The following NMT2 variants were observed in gnomAD, a reference collection of about 807,000 sequenced individuals.
NMT2 encodes N-myristoyltransferase 2.
In NMT2, 35 loss-of-function variants were observed where a neutral mutation model predicts 65.4. That is an observed-to-expected ratio of 0.54 (90% CI 0.41 to 0.71). NMT2 has a LOEUF of 0.71. Ranked by LOEUF, NMT2 falls within the 30% of genes least tolerant of loss-of-function variation. The pLI, the probability that NMT2 is intolerant of heterozygous loss-of-function variation, is 0.00. For missense variants in NMT2, 489 were observed against 611.3 expected (o/e 0.80, Z 2.11); for synonymous variants, 226 against 231.8 (o/e 0.98, Z 0.23).
In NMT2 at chr10:15,140,894, AG is replaced by A. The variant is rs567210748; in HGVS notation, c.246+527del. On this transcript the variant is annotated intron_variant, in intron 2 of 11. Coordinates refer to ENST00000378165, the MANE Select transcript of NMT2 (RefSeq NM_004808.3). Reference sequence around the variant, plus strand: ...GACAACTTCTGGTTTGGTTTAAACTAGGAGAATGTCAGGAACTATTTCCCAC... The same window carrying A: ...GACAACTTCTGGTTTGGTTTAAACTAGAGAATGTCAGGAACTATTTCCCAC... 231 of 1,203,514 alleles carry A rather than the reference AG, an allele frequency of 1.9e-4. No homozygotes were observed. In the African/African-American group the frequency reaches 3.3e-3, roughly 17 times the overall value. 74.6% of individuals were successfully genotyped at this position (1,203,514 alleles called of 1,614,324 possible).
At chr10:15,137,769 T>C (rs1846567013) in intron 2 of NMT2, among the ~76,000 whole-genome samples, 1 of 152,216 alleles carries the variant, frequency 6.6e-6, no homozygotes, top group Non-Finnish European at 1.5e-5. Flanking sequence ...GAGTTAAATC[T>C]TCTAACAGTA....
chr10:15,153,792 G>T (rs1832891248), intron 1 of NMT2, among the ~76,000 whole-genome samples: 1 of 151,968 alleles, frequency 6.6e-6, no homozygotes, highest in South Asian at 2.1e-4. Context: ...TGGGACTACA[G>T]GTGCCCGCCA....
intron 1 of NMT2, among the ~76,000 whole-genome samples, chr10:15,154,365 T>C (rs1206947072): frequency 6.6e-6 from 1 of 152,192 alleles, no homozygotes; most frequent in Non-Finnish European, 1.5e-5. Flanking sequence ...CCAATTGACC[T>C]GACTCAGGTG....
At chr10:15,164,122 G>A (rs1031677801) in intron 1 of NMT2, among the ~76,000 whole-genome samples, 5 of 145,792 alleles carry the variant, frequency 3.4e-5, no homozygotes, top group East Asian at 2.0e-4. Context: ...GGCAGAGCTT[G>A]CAGTGAGCCG....
intron 1 of NMT2, among the ~76,000 whole-genome samples, chr10:15,149,346 CCAT>C (rs1344873311): frequency 6.2e-5 from 9 of 146,210 alleles, no homozygotes; most frequent in East Asian, 2.2e-4. Context: ...ATCATCACCA[CCAT>C]CATCACCATT....
intron 1 of NMT2, among the ~76,000 whole-genome samples, chr10:15,149,710 G>A (rs1832738813): frequency 6.6e-6 from 1 of 152,104 alleles, no homozygotes. Context: ...ACACTCGGAG[G>A]TAAGTGCTAT....
chr10:15,142,978 T>C (rs539772718), intron 1 of NMT2, among the ~76,000 whole-genome samples: 3 of 152,326 alleles, frequency 2.0e-5, no homozygotes, highest in South Asian at 2.1e-4. Context: ...TGTACTGTTA[T>C]AGTGTGATTT....
Position 15,107,682 on chromosome 10 carries a change from T to C in NMT2, c.*1513A>G, listed in dbSNP as rs1845352374. ...GTTGGCCAGGCTGGTCTCGAACCCC[T>C]GACCTCAAATGTTTCGCCCGCCTTG... On this transcript the variant is annotated 3_prime_UTR_variant, in exon 12 of 12. Transcript: ENST00000378165. The C allele has an allele frequency of 1.3e-6, 1 of 758,276 alleles. No homozygotes were observed. Among genetic ancestry groups the C allele is most frequent in the Non-Finnish European group, 1.6e-6 (1 of 623,100 alleles). 47.0% of individuals were successfully genotyped at this position (758,276 alleles called of 1,614,324 possible).
Position 15,108,160 on chromosome 10 carries a change from T to A in NMT2, c.*1035A>T. 2.0e-6 allele frequency: 2 copies of A among 985,040 alleles called. No homozygotes were observed. The highest frequency in any genetic ancestry group is 2.4e-6 in the Non-Finnish European group (2 of 829,870). The allele number at this position is 985,040 out of a possible 1,614,324, so 61.0% of individuals were successfully genotyped here. A position where few individuals can be genotyped will look rare whatever the true frequency, so the allele number is the denominator to read the frequency against. Reference sequence around the variant, plus strand: ...TGAACTTTGCACAACAGCAGAAAAGTCTAGTTAGTCGCGGGTACAGGCTCT... The same window carrying A: ...TGAACTTTGCACAACAGCAGAAAAGACTAGTTAGTCGCGGGTACAGGCTCT... On this transcript the variant is annotated 3_prime_UTR_variant, in exon 12 of 12. Coordinates refer to ENST00000378165, the MANE Select transcript of NMT2 (RefSeq NM_004808.3).
chr10:15,127,915 A>T (rs1036094281), intron 8 of NMT2, among the ~76,000 whole-genome samples: 1 of 151,756 alleles, frequency 6.6e-6, no homozygotes, highest in African/African-American at 2.4e-5. Flanking sequence ...AAAAAAAATG[A>T]CAACTTTTCA....
chr10:15,130,904 G>A (rs956137172), intron 6 of NMT2, among the ~76,000 whole-genome samples: 2 of 149,288 alleles, frequency 1.3e-5, no homozygotes, highest in Admixed American at 6.8e-5. Flanking sequence ...ATTCTCCTGC[G>A]TCAGCCTCCT....
At chr10:15,147,263 G>T (rs140198840) in intron 1 of NMT2, among the ~76,000 whole-genome samples, 230 of 152,108 alleles carry the variant, frequency 1.5e-3, no homozygotes, top group African/African-American at 5.3e-3. Flanking sequence ...AAACATTAGT[G>T]GTTTGAGACT....
chr10:15,140,608 C>T (rs1026203473), intron 2 of NMT2, among the ~76,000 whole-genome samples: 1 of 151,840 alleles, frequency 6.6e-6, no homozygotes, highest in African/African-American at 2.4e-5. Context: ...GCCTTGAACT[C>T]CTGGGCTCAA....
Position 15,141,411 on chromosome 10 carries a change from A to G in NMT2, c.246+11T>C. The G allele has an allele frequency of 2.5e-6, 4 of 1,613,622 alleles. No homozygotes were observed. Among genetic ancestry groups the G allele is most frequent in the Non-Finnish European group, 3.4e-6 (4 of 1,179,920 alleles). On this transcript the variant is annotated intron_variant, in intron 2 of 11. Coordinates refer to ENST00000378165, the MANE Select transcript of NMT2 (RefSeq NM_004808.3). The stretch of plus-strand genomic sequence containing the variant: ...AACCACACAGAGGAAAAAATAAAAC[A>G]GAGCTCTCACTTTCGAAGGCTGCTG...
chr10:15,135,964 C>T (rs577252288), intron 2 of NMT2, among the ~76,000 whole-genome samples: 10 of 151,600 alleles, frequency 6.6e-5, no homozygotes, highest in Admixed American at 2.6e-4. Context: ...TGGTGTCTCA[C>T]GCCTATAATC....
At chr10:15,121,129 TA>T (rs1315499650) in intron 8 of NMT2, among the ~76,000 whole-genome samples, 1 of 152,194 alleles carries the variant, frequency 6.6e-6, no homozygotes, top group Non-Finnish European at 1.5e-5. Context: ...AAATACAGTT[TA>T]TTTTTTTCTG....
chr10:15,117,996 G>T (rs1367209222), intron 9 of NMT2, among the ~76,000 whole-genome samples: 1 of 152,158 alleles, frequency 6.6e-6, no homozygotes, highest in East Asian at 1.9e-4. Context: ...AAGGTATTTT[G>T]TAGGCAAAAA....
At position 15,116,050 on chromosome 10, in the gene NMT2, A is replaced by C. The variant is rs571877392; in HGVS notation, c.1171-3087T>G. ...CTAGACAGAAAATCAGCATGGAAAC[A>C]GAAGAGCTGAATAACTCAATTAATC... is the stretch of plus-strand genomic sequence containing the variant. On this transcript the variant is annotated intron_variant, in intron 9 of 11. Coordinates refer to ENST00000378165, the MANE Select transcript of NMT2 (RefSeq NM_004808.3). 2.3e-3 allele frequency among the ~76,000 whole-genome samples: 353 copies of C among 152,362 alleles called. 8 individuals carry two copies. Among genetic ancestry groups the C allele is most frequent in the South Asian group, 3.3e-3 (16 of 4,832 alleles).
intron 6 of NMT2, 113 bp downstream of exon 6, chr10:15,132,704 A>G (rs1846326015): frequency 1.4e-6 from 1 of 704,598 alleles, no homozygotes; most frequent in Non-Finnish European, 2.4e-6. Context: ...CTGGGATTAG[A>G]GGTGTGAGCC....
Sources: allele counts gnomAD v4.1 joint callset (sites outside exome capture counted in the v4.1 genomes callset), GRCh38; gene constraint gnomAD v4.1.1; transcripts MANE v1.5; gene names NCBI Gene and HGNC (gene_info 2026-07-23, HGNC 2026-07-21).